MDGA2: variants seen among roughly 807,000 people sequenced by gnomAD.
The protein encoded by MDGA2 is MAM domain-containing glycosylphosphatidylinositol anchor protein 2.
MDGA2 carries 40 observed loss-of-function variants against 117.8 expected under a neutral mutation model. The observed-to-expected ratio is 0.34, with a 90% CI of 0.26 to 0.44. The LOEUF (loss-of-function observed/expected upper bound fraction) is 0.44. Among genes scored for constraint, MDGA2 ranks in the 20% least tolerant of loss-of-function variants. The pLI is 1.00. For missense variants in MDGA2, 1,123 were observed against 1,250.6 expected (o/e 0.90, Z 1.54); for synonymous variants, 452 against 439.0 (o/e 1.03, Z -0.37).
At chr14:47,580,398 T>TCC (rs1896208139) in intron 1 of MDGA2, among the ~76,000 whole-genome samples, 1 of 151,980 alleles carries the variant, frequency 6.6e-6, no homozygotes, top group African/African-American at 2.4e-5. Flanking sequence ...TCTAATCTCC[T>TCC]CCTAATGGCT....
intron 6 of MDGA2, among the ~76,000 whole-genome samples, chr14:47,095,491 CAT>C (rs889426944): frequency 6.6e-6 from 1 of 151,664 alleles, no homozygotes; most frequent in African/African-American, 2.4e-5. Context: ...CAATAAATGA[CAT>C]ATTTTAAAAA....
At position 47,035,316 on chromosome 14, in the gene MDGA2, A is replaced by G; in HGVS notation, c.1526-12T>C. On this transcript the variant is annotated splice_polypyrimidine_tract_variant and intron_variant, in intron 7 of 16. Coordinates refer to ENST00000399232, the MANE Select transcript of MDGA2 (RefSeq NM_001113498.3). The stretch of plus-strand genomic sequence containing the variant: ...CAGATTGGGTGGAACTTGAAATGGG[A>G]AAAAGAAAATTTTTCAAGGTTAGTA... 3.1e-6 allele frequency: 5 copies of G among 1,598,562 alleles called. No individual in the cohort carries two copies. Among genetic ancestry groups the G allele is most frequent in the Non-Finnish European group, 4.3e-6 (5 of 1,172,732 alleles).
intron 1 of MDGA2, among the ~76,000 whole-genome samples, chr14:47,569,944 C>T (rs1170866349): frequency 6.6e-6 from 1 of 152,066 alleles, no homozygotes; most frequent in East Asian, 1.9e-4. Context: ...AGAGCAAAAA[C>T]TTTAATGAAG....
intron 7 of MDGA2, among the ~76,000 whole-genome samples, chr14:47,052,579 T>C (rs544329591): frequency 1.6e-3 from 248 of 152,002 alleles, no homozygotes; most frequent in African/African-American, 5.7e-3. Context: ...TTACAGGAAA[T>C]AATAGAATAC....
intron 1 of MDGA2, among the ~76,000 whole-genome samples, chr14:47,615,966 G>C (rs1464097893): frequency 6.6e-6 from 1 of 152,092 alleles, no homozygotes; most frequent in African/African-American, 2.4e-5. Flanking sequence ...AATACTAAAG[G>C]GGGAGGCCTT....
rs71112472 is a variant in MDGA2 at position 46,938,540 on chromosome 14, C to CAAAAA, written c.2090-18385_2090-18381dup. On this transcript the variant is annotated intron_variant, in intron 9 of 16. Transcript: ENST00000399232. ...GGGCAACAAGAACGAAAATCCATCT[C>CAAAAA]AAAAAAAAAAAAAAAAAAAAGAGAC... Among the ~76,000 whole-genome samples, 39 of 26,988 alleles carry CAAAAA rather than the reference C, an allele frequency of 1.4e-3. 3 individuals are homozygous for CAAAAA. The highest frequency in any genetic ancestry group is 4.2e-3 in the East Asian group (4 of 942). 17.7% of individuals were successfully genotyped at this position (26,988 alleles called of 152,430 possible).
At chr14:47,583,017 CT>C (rs2138843636) in intron 1 of MDGA2, among the ~76,000 whole-genome samples, 1 of 151,932 alleles carries the variant, frequency 6.6e-6, no homozygotes, top group South Asian at 2.1e-4. Context: ...TAAGATATTT[CT>C]TCTAAAGACA....
Position 47,674,620 on chromosome 14 carries a change from G to A in MDGA2, c.177C>T (p.Pro59=), listed in dbSNP as rs918874875. Residue 59 remains proline, a synonymous_variant, in exon 1 of 17, where the codon CCC becomes CCT. Coordinates refer to ENST00000399232, the MANE Select transcript of MDGA2 (RefSeq NM_001113498.3). ...CGTGAACATGAACATATCCAGCCCA[G>A]GGGGTACGCAACGGGACCTTCAGGA... ...AGLLKVPLRT[P]WAGYVHVHVK... 3.1e-5 allele frequency: 48 copies of A among 1,545,304 alleles called. No homozygotes were observed. In the African/African-American group the frequency reaches 5.4e-4, roughly 17 times the overall value.
At position 47,282,872 on chromosome 14, in the gene MDGA2, C is replaced by T. The variant is rs530772543; in HGVS notation, c.420+18539G>A. On this transcript the variant is annotated intron_variant, in intron 2 of 16. Transcript: ENST00000399232. ...CTAAGGTTAGGAGGATTGCTTGAGCCCAGGAGTTGAGGCTGCAATGAGCTA... is the reference window on the plus strand; with the variant it reads ...CTAAGGTTAGGAGGATTGCTTGAGCTCAGGAGTTGAGGCTGCAATGAGCTA... Among the ~76,000 whole-genome samples the T allele has an allele frequency of 2.0e-5, 3 of 152,090 alleles. No individual in the cohort carries two copies. In the South Asian group the frequency reaches 6.2e-4, roughly 32 times the overall value.
chr14:47,310,706 A>C (rs2139841010), intron 1 of MDGA2, among the ~76,000 whole-genome samples: 1 of 152,214 alleles, frequency 6.6e-6, no homozygotes, highest in South Asian at 2.1e-4. Flanking sequence ...ATTTTAGACC[A>C]AAAACCCCAT....
At chr14:46,872,041 G>GC (rs1882025271) in intron 14 of MDGA2, 1 of 178,886 alleles carries the variant, frequency 5.6e-6, no homozygotes. Context: ...AGGCTTGTCA[G>GC]TATACTGTGA....
At chr14:47,670,075 A>G (rs1356797227) in intron 1 of MDGA2, among the ~76,000 whole-genome samples, 1 of 152,162 alleles carries the variant, frequency 6.6e-6, no homozygotes, top group Non-Finnish European at 1.5e-5. Context: ...ATTTCTGTCC[A>G]GCTACTGCCT....
chr14:47,258,050 T>C (rs548646139), intron 2 of MDGA2, among the ~76,000 whole-genome samples: 33 of 152,322 alleles, frequency 2.2e-4, no homozygotes, highest in Admixed American at 1.3e-3. Flanking sequence ...CTGAAAAATA[T>C]GAAAGCACTG....
intron 1 of MDGA2, among the ~76,000 whole-genome samples, chr14:47,574,634 C>T (rs147425346): frequency 0.014 from 2,196 of 152,170 alleles, 48 homozygotes; most frequent in African/African-American, 0.049. Context: ...AGTACCACTG[C>T]TATTATTACT....
Position 46,966,761 on chromosome 14 carries a change from T to A in MDGA2, c.1820-9118A>T, listed in dbSNP as rs769248120. On this transcript the variant is annotated intron_variant, in intron 8 of 16. Coordinates refer to ENST00000399232, the MANE Select transcript of MDGA2 (RefSeq NM_001113498.3). ...TGCCCAAGATTAATGATTTTAGCAT[T>A]TTCTTTTTGTATCTACTGGCTCAAG... is the stretch of plus-strand genomic sequence containing the variant. 6.8e-4 allele frequency among the ~76,000 whole-genome samples: 104 copies of A among 152,158 alleles called. 1 individual carries two copies. Among genetic ancestry groups the A allele is most frequent in the Non-Finnish European group, 1.4e-3 (95 of 67,984 alleles).
At chr14:46,960,694 T>C (rs1241143104) in intron 8 of MDGA2, 5 of 150,864 alleles carry the variant, frequency 3.3e-5, no homozygotes, top group Admixed American at 6.7e-5. Flanking sequence ...CATATGTGTA[T>C]ATATACACAT....
intron 1 of MDGA2, among the ~76,000 whole-genome samples, chr14:47,436,960 A>T (rs986075850): frequency 1.4e-4 from 21 of 152,144 alleles, no homozygotes; most frequent in African/African-American, 5.1e-4. Flanking sequence ...ACGTATACCT[A>T]CCACAGTACT....
At chr14:46,895,343 T>C (rs955509109) in intron 10 of MDGA2, among the ~76,000 whole-genome samples, 15 of 152,224 alleles carry the variant, frequency 9.9e-5, no homozygotes, top group Non-Finnish European at 2.1e-4. Context: ...CAGTCTCAGA[T>C]ATTTCTTCAT....
chr14:46,956,668 A>G (rs907414699), intron 9 of MDGA2, among the ~76,000 whole-genome samples: 1 of 152,152 alleles, frequency 6.6e-6, no homozygotes, highest in Non-Finnish European at 1.5e-5. Flanking sequence ...AATGTTTGCA[A>G]CTTGATCTAA....
Sources: gnomAD v4.1 joint callset for allele counts (sites outside exome capture counted in the v4.1 genomes callset) on GRCh38, gnomAD v4.1.1 for gene constraint, MANE v1.5 for transcripts, NCBI Gene and HGNC (gene_info 2026-07-23, HGNC 2026-07-21) for gene names.